SFXN1: variants seen among roughly 807,000 people sequenced by gnomAD.
SFXN1 encodes the protein sideroflexin-1.
Under a neutral mutation model 39.5 loss-of-function variants are expected in SFXN1, and 32 were observed. The observed-to-expected ratio is 0.81, with a 90% CI of 0.61 to 1.09. SFXN1 has a LOEUF of 1.09. Among genes scored for constraint, SFXN1 ranks in the 50% least tolerant of loss-of-function variants. SFXN1 has a pLI of 0.00. For missense variants in SFXN1, 402 were observed against 407.1 expected (o/e 0.99, Z 0.11); for synonymous variants, 136 against 146.5 (o/e 0.93, Z 0.52).
At chr5:175,524,139 T>A (rs1456038792) in intron 10 of SFXN1, 108 of 18,716 alleles carry the variant, frequency 5.8e-3, no homozygotes, top group South Asian at 0.045. Flanking sequence ...TATATATATA[T>A]ATATATATAT....
At chr5:175,512,008 A>G in intron 5 of SFXN1, 103 bp from the exon 6 acceptor site, 1 of 1,063,320 alleles carries the variant, frequency 9.4e-7, no homozygotes. Flanking sequence ...TTCTATGCAA[A>G]TGGGACTCTG....
intron 10 of SFXN1, chr5:175,526,084 C>CT (rs1761047817): frequency 6.6e-6 from 1 of 150,958 alleles, no homozygotes; most frequent in South Asian, 2.1e-4. Context: ...CACTTAAAGA[C>CT]TAACAGTGGT....
chr5:175,493,815 G>A (rs892344580), intron 2 of SFXN1, among the ~76,000 whole-genome samples: 6 of 151,970 alleles, frequency 3.9e-5, no homozygotes, highest in Non-Finnish European at 7.3e-5. Flanking sequence ...AACAGAGGTC[G>A]GCAAACTTTT....
At chr5:175,501,275 A>G (rs1235053995) in intron 2 of SFXN1, among the ~76,000 whole-genome samples, 1 of 152,004 alleles carries the variant, frequency 6.6e-6, no homozygotes, top group African/African-American at 2.4e-5. Flanking sequence ...TCACTGTGTT[A>G]GCCAGGATGG....
intron 8 of SFXN1, among the ~76,000 whole-genome samples, chr5:175,517,527 C>T (rs1214262168): frequency 6.6e-6 from 1 of 152,054 alleles, no homozygotes; most frequent in Non-Finnish European, 1.5e-5. Context: ...CTCCTTCAGA[C>T]CTCAATGAGA....
intron 7 of SFXN1, among the ~76,000 whole-genome samples, chr5:175,514,389 T>C (rs1023070360): frequency 6.6e-6 from 1 of 152,130 alleles, no homozygotes; most frequent in African/African-American, 2.4e-5. Context: ...CTGCTGAGAA[T>C]CTCTAGTCCA....
intron 2 of SFXN1, among the ~76,000 whole-genome samples, chr5:175,492,779 G>T (rs1759708575): frequency 6.6e-6 from 1 of 152,190 alleles, no homozygotes; most frequent in African/African-American, 2.4e-5. Context: ...GCCATCAGTT[G>T]AGAGAACCAT....
chr5:175,510,455 G>C, intron 4 of SFXN1: 1 of 458,670 alleles, frequency 2.2e-6, no homozygotes, highest in Non-Finnish European at 4.0e-6. Flanking sequence ...GGAGGTACTG[G>C]TAGGATGTTA....
At chr5:175,493,918 C>A (rs1759757489) in intron 2 of SFXN1, among the ~76,000 whole-genome samples, 1 of 152,070 alleles carries the variant, frequency 6.6e-6, no homozygotes, top group Non-Finnish European at 1.5e-5. Context: ...CCTCTAAAAC[C>A]ATAAAAGCTA....
chr5:175,508,591 A>G (rs1049923834), intron 2 of SFXN1, among the ~76,000 whole-genome samples: 1 of 151,740 alleles, frequency 6.6e-6, no homozygotes, highest in Non-Finnish European at 1.5e-5. Flanking sequence ...TTTACTGACT[A>G]TATGTAACAA....
chr5:175,501,015 T>G (rs912192474), intron 2 of SFXN1, among the ~76,000 whole-genome samples: 3 of 151,962 alleles, frequency 2.0e-5, no homozygotes, highest in Admixed American at 6.6e-5. Flanking sequence ...ACTATTCAAC[T>G]TCTAGAGAAA....
intron 2 of SFXN1, among the ~76,000 whole-genome samples, chr5:175,508,806 T>C (rs931098697): frequency 1.3e-5 from 2 of 151,830 alleles, no homozygotes; most frequent in African/African-American, 4.8e-5. Context: ...CCCGGCTAAT[T>C]TTTGTATCTT....
At chr5:175,502,606 G>GAGGC (rs1157706386) in intron 2 of SFXN1, among the ~76,000 whole-genome samples, 1 of 152,176 alleles carries the variant, frequency 6.6e-6, no homozygotes, top group African/African-American at 2.4e-5. Flanking sequence ...TGGGGAGGCG[G>GAGGC]AGGCGGGAGG....
chr5:175,524,113 AAAAAAAAAAAAAATATATATATAT>A, intron 10 of SFXN1: 1 of 55,118 alleles, frequency 1.8e-5, no homozygotes, highest in African/African-American at 9.3e-5. Context: ...CAAAAAAAAA[AAAAAAAAAAAAAATATATATATAT>A]ATATATATAT....
chr5:175,509,008 C>T, intron 2 of SFXN1, 24 bp from the exon 3 acceptor site: 1 of 1,585,634 alleles, frequency 6.3e-7, no homozygotes, highest in Non-Finnish European at 8.6e-7. Context: ...TGAGCAATTG[C>T]CATATTATTT....
chr5:175,522,287 G>GC, intron 9 of SFXN1, 88 bp from the exon 10 acceptor site: 2 of 1,319,378 alleles, frequency 1.5e-6, no homozygotes, highest in Non-Finnish European at 2.1e-6. Flanking sequence ...TCTGAAGAAA[G>GC]AAGGGATTGT....
chr5:175,526,731 G>A lies in SFXN1; in HGVS notation c.966G>A (p.Leu322=), dbSNP rs1761074287. Residue 322 remains leucine (L), a synonymous_variant, in exon 11 of 11, where the codon TTG becomes TTA. Coordinates refer to ENST00000321442, the MANE Select transcript of SFXN1 (RefSeq NM_022754.7). ...ELRRVYFNKG[L] ...GACGCGTGTACTTCAATAAGGGATT[G>A]TAAAGCAGGGAGGAAACCTCTGCAG... 2 of 1,613,656 alleles carry A rather than the reference G, an allele frequency of 1.2e-6. No homozygotes were observed. The highest frequency in any genetic ancestry group is 1.7e-6 in the Non-Finnish European group (2 of 1,179,510).
At chr5:175,498,591 A>G (rs1759954364) in intron 2 of SFXN1, among the ~76,000 whole-genome samples, 1 of 152,206 alleles carries the variant, frequency 6.6e-6, no homozygotes, top group Non-Finnish European at 1.5e-5. Flanking sequence ...ATAAATCCAG[A>G]AAAGGATAAG....
chr5:175,500,548 C>T (rs1181789822), intron 2 of SFXN1, among the ~76,000 whole-genome samples: 1 of 151,822 alleles, frequency 6.6e-6, no homozygotes, highest in Non-Finnish European at 1.5e-5. Flanking sequence ...GTTAAGATGT[C>T]ATCTCTTCCC....
Sources: gnomAD v4.1 joint callset for allele counts (sites outside exome capture counted in the v4.1 genomes callset) on GRCh38, gnomAD v4.1.1 for gene constraint, MANE v1.5 for transcripts, NCBI Gene and HGNC (gene_info 2026-07-23, HGNC 2026-07-21) for gene names.